The following AOPEP variants were observed in gnomAD, a reference collection of about 807,000 sequenced individuals.
The protein encoded by AOPEP is aminopeptidase O.
In AOPEP, 77 loss-of-function variants were observed where a neutral mutation model predicts 98.1. The observed-to-expected ratio is 0.78, with a 90% CI of 0.65 to 0.95. The LOEUF is 0.95. AOPEP is among the 40% of genes least tolerant of loss of function. AOPEP has a pLI of 0.00. For synonymous variants in AOPEP, 346 were observed against 365.3 expected (o/e 0.95, Z 0.60); for missense variants, 1,024 against 1,024.7 (o/e 1.00, Z 0.01).
chr9:94,954,021 C>T (rs533632669), intron 7 of AOPEP, among the ~76,000 whole-genome samples: 270 of 152,194 alleles, frequency 1.8e-3, no homozygotes, highest in African/African-American at 6.2e-3. Context: ...AATGTCACTA[C>T]AAATCAAAAC....
intron 5 of AOPEP, among the ~76,000 whole-genome samples, chr9:94,890,185 G>T (rs2048722429): frequency 6.6e-6 from 1 of 151,148 alleles, no homozygotes; most frequent in Admixed American, 6.6e-5. Flanking sequence ...GCACCACTAT[G>T]CCTGGCTAAT....
chr9:94,893,135 C>T (rs1309532569), intron 5 of AOPEP, among the ~76,000 whole-genome samples: 1 of 152,190 alleles, frequency 6.6e-6, no homozygotes, highest in Non-Finnish European at 1.5e-5. Context: ...ACTAAGGTCA[C>T]AAGACTGTGA....
At chr9:95,050,040 G>A (rs2066206700) in intron 13 of AOPEP, among the ~76,000 whole-genome samples, 1 of 152,216 alleles carries the variant, frequency 6.6e-6, no homozygotes, top group Admixed American at 6.5e-5. Context: ...ACTCATAGCA[G>A]TAAAGTGACG....
intron 1 of AOPEP, among the ~76,000 whole-genome samples, chr9:94,743,397 A>G (rs957636132): frequency 9.2e-5 from 14 of 152,362 alleles, no homozygotes; most frequent in Admixed American, 6.5e-4. Flanking sequence ...GAAGTAAGTC[A>G]TTGTGAATGT....
At chr9:94,879,446 T>C (rs922842879) in intron 5 of AOPEP, among the ~76,000 whole-genome samples, 1 of 152,160 alleles carries the variant, frequency 6.6e-6, no homozygotes, top group Admixed American at 6.5e-5. Context: ...AGACTGAGGG[T>C]GATAAAGGCA....
chr9:94,994,021 T>C (rs2061063516), intron 11 of AOPEP, among the ~76,000 whole-genome samples: 2 of 152,136 alleles, frequency 1.3e-5, no homozygotes, highest in South Asian at 4.1e-4. Flanking sequence ...TTCTCTGGTG[T>C]CTCCCTTCTT....
chr9:95,049,989 G>A (rs2066201004), intron 13 of AOPEP, among the ~76,000 whole-genome samples: 1 of 152,194 alleles, frequency 6.6e-6, no homozygotes, highest in Admixed American at 6.5e-5. Context: ...CAGGCTCTGG[G>A]TCCAGGCTGG....
intron 7 of AOPEP, among the ~76,000 whole-genome samples, chr9:94,944,956 A>G (rs1223587274): frequency 6.6e-6 from 1 of 152,186 alleles, no homozygotes; most frequent in Non-Finnish European, 1.5e-5. Context: ...AATGTTCTCT[A>G]CTGTCTCATA....
chr9:95,092,544 C>T, the AOPEP span, among the ~76,000 whole-genome samples: 1 of 152,206 alleles, frequency 6.6e-6, no homozygotes, highest in East Asian at 1.9e-4. Flanking sequence ...ACTGGGTGTG[C>T]ACCCTGTGGT....
the AOPEP span, among the ~76,000 whole-genome samples, chr9:95,138,026 G>A: frequency 1.3e-5 from 2 of 152,250 alleles, no homozygotes; most frequent in African/African-American, 2.4e-5. Flanking sequence ...GGCTGCCAAC[G>A]GGCAAGGCGC....
intron 13 of AOPEP, among the ~76,000 whole-genome samples, chr9:95,044,980 C>A (rs572331789): frequency 6.6e-6 from 1 of 152,174 alleles, no homozygotes; most frequent in Admixed American, 6.5e-5. Context: ...GTTGAAGGAA[C>A]GTGGGGAAGA....
At chr9:94,957,925 A>T (rs1004132719) in intron 9 of AOPEP, among the ~76,000 whole-genome samples, 5 of 152,202 alleles carry the variant, frequency 3.3e-5, no homozygotes, top group East Asian at 1.9e-4. Context: ...TACAAAAAAA[A>T]TTTACCATTT....
chr9:94,754,701 T>A (rs576733422), intron 1 of AOPEP, among the ~76,000 whole-genome samples: 1 of 152,336 alleles, frequency 6.6e-6, no homozygotes, highest in East Asian at 1.9e-4. Context: ...AACCTGGTCA[T>A]GAACACAAAA....
chr9:95,095,524 T>C, the AOPEP span, among the ~76,000 whole-genome samples: 1 of 152,250 alleles, frequency 6.6e-6, no homozygotes, highest in Admixed American at 6.5e-5. Flanking sequence ...TACTTCTTCT[T>C]CCCTCAGTTT....
intron 13 of AOPEP, among the ~76,000 whole-genome samples, chr9:95,017,878 T>C (rs999447513): frequency 2.0e-5 from 3 of 152,260 alleles, no homozygotes; most frequent in Admixed American, 2.0e-4. Context: ...AAATTTCATG[T>C]AATTGAATCA....
At chr9:95,088,250 C>T (rs1193945216), downstream of AOPEP, among the ~76,000 whole-genome samples, 1 of 151,428 alleles carries the variant, frequency 6.6e-6, no homozygotes, top group East Asian at 1.9e-4. Flanking sequence ...ACTCTTGTTG[C>T]GCAGGCTGGA....
intron 9 of AOPEP, among the ~76,000 whole-genome samples, chr9:94,965,248 C>A (rs1015467520): frequency 9.2e-5 from 14 of 152,208 alleles, no homozygotes; most frequent in Admixed American, 9.2e-4. Flanking sequence ...GTTGTCCCCC[C>A]GCTCCCATTT....
chr9:95,073,010 G>A (rs1237893670), intron 14 of AOPEP, among the ~76,000 whole-genome samples: 1 of 152,240 alleles, frequency 6.6e-6, no homozygotes. Context: ...GCTGGGGCAA[G>A]GCTAAGGGAG....
intron 5 of AOPEP, among the ~76,000 whole-genome samples, chr9:94,842,811 A>G (rs2042428251): frequency 6.6e-6 from 1 of 152,212 alleles, no homozygotes; most frequent in African/African-American, 2.4e-5. Context: ...AATAAAAAAT[A>G]AAAACATTAT....
Sources: gnomAD v4.1 joint callset for allele counts (sites outside exome capture counted in the v4.1 genomes callset) on GRCh38, gnomAD v4.1.1 for gene constraint, MANE v1.5 for transcripts, NCBI Gene and HGNC (gene_info 2026-07-23, HGNC 2026-07-21) for gene names.